The following AHI1 variants were observed in gnomAD, a reference collection of about 807,000 sequenced individuals.
AHI1 encodes Abelson helper integration site 1, also known as jouberin.
Under a neutral mutation model 149.3 loss-of-function variants are expected in AHI1, and 123 were observed. That is an observed-to-expected ratio of 0.82 (90% CI 0.71 to 0.96). The LOEUF (loss-of-function observed/expected upper bound fraction) is 0.96. AHI1 is among the 40% of genes least tolerant of loss of function. The pLI, the probability that AHI1 is intolerant of heterozygous loss-of-function variation, is 0.00. For missense variants in AHI1, 1,439 were observed against 1,422.7 expected, an observed-to-expected ratio of 1.01 and a Z score of -0.18; for synonymous variants, 475 against 459.8, an observed-to-expected ratio of 1.03 and a Z score of -0.42.
intron 27 of AHI1, among the ~76,000 whole-genome samples, chr6:135,291,968 T>C (rs1782407926): frequency 6.6e-6 from 1 of 152,200 alleles, no homozygotes; most frequent in African/African-American, 2.4e-5. Flanking sequence ...ATGACTCATC[T>C]AAAGGAGGCA....
intron 26 of AHI1, among the ~76,000 whole-genome samples, chr6:135,311,894 C>G (rs1440828522): frequency 6.6e-6 from 1 of 152,184 alleles, no homozygotes; most frequent in Non-Finnish European, 1.5e-5. Flanking sequence ...ATGATTAACT[C>G]ATCTCGTCCC....
At chr6:135,470,980 T>C (rs1386987326) in intron 5 of AHI1, among the ~76,000 whole-genome samples, 4 of 152,238 alleles carry the variant, frequency 2.6e-5, no homozygotes, top group Non-Finnish European at 5.9e-5. Context: ...TTATGACTTT[T>C]ATTCATACCT....
intron 26 of AHI1, among the ~76,000 whole-genome samples, chr6:135,313,823 T>C (rs1048603271): frequency 7.9e-5 from 12 of 152,172 alleles, no homozygotes; most frequent in Non-Finnish European, 1.2e-4. Flanking sequence ...TTCTTTATGT[T>C]TCCTCTGGCA....
chr6:135,400,246 C>T (rs563683643), intron 22 of AHI1, among the ~76,000 whole-genome samples: 10 of 152,140 alleles, frequency 6.6e-5, no homozygotes, highest in South Asian at 2.1e-4. Context: ...TCCAAATATA[C>T]GTTTTAAACA....
intron 23 of AHI1, among the ~76,000 whole-genome samples, chr6:135,361,655 A>G (rs1466109098): frequency 3.3e-5 from 4 of 121,402 alleles, no homozygotes; most frequent in African/African-American, 9.7e-5. Flanking sequence ...TCACACACAC[A>G]CACACACACA....
chr6:135,490,035 A>G, intron 5 of AHI1: 1 of 609,950 alleles, frequency 1.6e-6, no homozygotes, highest in Non-Finnish European at 2.9e-6. Flanking sequence ...TAGAGCATTA[A>G]CTGTGGATGC....
intron 23 of AHI1, among the ~76,000 whole-genome samples, chr6:135,389,205 G>T (rs545297675): frequency 2.3e-4 from 34 of 150,490 alleles, no homozygotes; most frequent in African/African-American, 8.5e-4. Context: ...CAGCTACTCG[G>T]GAGGCTGAGG....
intron 22 of AHI1, among the ~76,000 whole-genome samples, chr6:135,395,770 C>G (rs1779131737): frequency 6.6e-6 from 1 of 151,644 alleles, no homozygotes; most frequent in Admixed American, 6.6e-5. Context: ...CAGTCTGATT[C>G]CTAATTCACT....
At position 135,412,411 on chromosome 6, in the gene AHI1, G is replaced by C. The variant is rs367771026; in HGVS notation, c.2765-867C>G. 1.5e-3 allele frequency among the ~76,000 whole-genome samples: 227 copies of C among 152,268 alleles called. 1 individual carries two copies. The highest frequency in any genetic ancestry group is 5.2e-3 in the African/African-American group (218 of 41,548). On this transcript the variant is annotated intron_variant, in intron 20 of 28. Coordinates refer to ENST00000265602, the MANE Select transcript of AHI1 (RefSeq NM_001134831.2). Reference sequence around the variant, plus strand: ...ATAACAAGAGATAACTCTATTTATAGTGTTCTCTGTTCTCCCTTATAGATC... The same window carrying C: ...ATAACAAGAGATAACTCTATTTATACTGTTCTCTGTTCTCCCTTATAGATC...
intron 12 of AHI1, among the ~76,000 whole-genome samples, chr6:135,447,741 AC>A (rs561647318): frequency 2.0e-5 from 3 of 152,204 alleles, no homozygotes; most frequent in Non-Finnish European, 4.4e-5. Context: ...TCTATGGAAA[AC>A]AGCAGCAGTA....
intron 22 of AHI1, among the ~76,000 whole-genome samples, chr6:135,403,286 AT>A (rs1416943016): frequency 6.6e-6 from 1 of 152,208 alleles, no homozygotes; most frequent in Non-Finnish European, 1.5e-5. Context: ...TGAACTGTAT[AT>A]TTTAAAAGAG....
At chr6:135,330,486 A>C (rs1273207033) in intron 24 of AHI1, among the ~76,000 whole-genome samples, 1 of 152,238 alleles carries the variant, frequency 6.6e-6, no homozygotes, top group Non-Finnish European at 1.5e-5. Context: ...GTGCTACTAC[A>C]TACTTAATAG....
intron 23 of AHI1, among the ~76,000 whole-genome samples, chr6:135,371,320 CTA>C (rs893779586): frequency 2.0e-5 from 3 of 152,122 alleles, no homozygotes; most frequent in African/African-American, 7.2e-5. Flanking sequence ...TCTTGGTTGC[CTA>C]TATGTTATTC....
chr6:135,353,217 G>A (rs569535603), intron 24 of AHI1, among the ~76,000 whole-genome samples: 1 of 151,974 alleles, frequency 6.6e-6, no homozygotes, highest in Admixed American at 6.6e-5. Flanking sequence ...TTTGAATTTC[G>A]ATAGAACTGC....
intron 20 of AHI1, among the ~76,000 whole-genome samples, chr6:135,416,249 C>T (rs979839677): frequency 5.3e-5 from 8 of 151,702 alleles, no homozygotes; most frequent in East Asian, 3.8e-4. Context: ...AATTAATAAT[C>T]GAACAGAAAA....
intron 24 of AHI1, among the ~76,000 whole-genome samples, chr6:135,353,637 C>A (rs555930402): frequency 1.3e-5 from 2 of 152,012 alleles, no homozygotes; most frequent in Non-Finnish European, 2.9e-5. Flanking sequence ...AATCTAACAA[C>A]AATAACAACC....
chr6:135,427,411 T>A, intron 19 of AHI1, 104 bp from the exon 20 acceptor site: 1 of 967,960 alleles, frequency 1.0e-6, no homozygotes, highest in Non-Finnish European at 1.5e-6. Flanking sequence ...TTTATAGCAA[T>A]GATGCTCACA....
Position 135,467,582 on chromosome 6 carries a change from T to G in AHI1, c.188A>C (p.Asp63Ala). The G allele has an allele frequency of 3.1e-6, 5 of 1,607,672 alleles. No individual in the cohort carries two copies. Among genetic ancestry groups the G allele is most frequent in the Non-Finnish European group, 4.3e-6 (5 of 1,174,806 alleles). Residue 63 changes from aspartate to alanine, a missense_variant and splice_region_variant, in exon 6 of 29, where the codon GAT becomes GCT. Transcript: ENST00000265602. ...GCTGTTAGTGTTAGCAGTACTTACA[T>G]CATCACTTGTAGTTTCTTTCATATA... ...LHYMKETTSD[D>A]PDTIRSNLPH...
chr6:135,438,556 T>G (rs553208803), intron 14 of AHI1, 58 bp from the exon 15 acceptor site: 2 of 1,295,754 alleles, frequency 1.5e-6, no homozygotes, highest in Non-Finnish European at 2.1e-6. Flanking sequence ...TCCAATAATA[T>G]ACAAATATAT....
Sources: gnomAD v4.1 joint callset for allele counts (sites outside exome capture counted in the v4.1 genomes callset) on GRCh38, gnomAD v4.1.1 for gene constraint, MANE v1.5 for transcripts, NCBI Gene and HGNC (gene_info 2026-07-23, HGNC 2026-07-21) for gene names.